Variants in GPC5 observed in about 807,000 individuals in gnomAD.
GPC5 encodes the protein glypican-5.
Under a neutral mutation model 53.9 loss-of-function variants are expected in GPC5, and 47 were observed. That is an observed-to-expected ratio of 0.87 (90% CI 0.69 to 1.11). The LOEUF is 1.11. Ranked by LOEUF, GPC5 falls within the 50% of genes most tolerant of loss-of-function variation. GPC5 has a pLI of 0.00. For synonymous variants in GPC5, 286 were observed against 263.3 expected (o/e 1.09, Z -0.84); for missense variants, 748 against 713.1 (o/e 1.05, Z -0.56).
At chr13:92,267,345 C>T (rs2042809721) in intron 7 of GPC5, among the ~76,000 whole-genome samples, 1 of 152,060 alleles carries the variant, frequency 6.6e-6, no homozygotes, top group Non-Finnish European at 1.5e-5. Context: ...AGAATTTTCT[C>T]ATAATAATTT....
At chr13:92,483,307 C>T (rs1311342510) in intron 7 of GPC5, among the ~76,000 whole-genome samples, 1 of 152,184 alleles carries the variant, frequency 6.6e-6, no homozygotes, top group Non-Finnish European at 1.5e-5. Context: ...CCACCTAAGG[C>T]TACATGGTGG....
rs151105182 is a variant in GPC5 at position 92,819,887 on chromosome 13, C to A, written c.1562-46395C>A. ...AACTTTCAACATGACTGCCTCCTTTCTTGTTAGGAAAAAAAATATTTTTTT... is the reference window on the plus strand; with the variant it reads ...AACTTTCAACATGACTGCCTCCTTTATTGTTAGGAAAAAAAATATTTTTTT... On this transcript the variant is annotated intron_variant, in intron 7 of 7. Coordinates refer to ENST00000377067, the MANE Select transcript of GPC5 (RefSeq NM_004466.6). 1.0e-3 allele frequency among the ~76,000 whole-genome samples: 157 copies of A among 152,204 alleles called. 1 individual carries two copies. Among genetic ancestry groups the A allele is most frequent in the African/African-American group, 3.7e-3 (155 of 41,532 alleles).
intron 7 of GPC5, among the ~76,000 whole-genome samples, chr13:92,349,986 T>G (rs1013110705): frequency 1.3e-5 from 2 of 152,178 alleles, no homozygotes; most frequent in African/African-American, 4.8e-5. Context: ...AAATCCTCCA[T>G]TATATTCTAG....
chr13:91,720,907 G>A (rs1196882117), intron 3 of GPC5, among the ~76,000 whole-genome samples: 1 of 152,054 alleles, frequency 6.6e-6, no homozygotes, highest in Non-Finnish European at 1.5e-5. Flanking sequence ...CAGATAGATA[G>A]ACAGATAGAT....
intron 5 of GPC5, among the ~76,000 whole-genome samples, chr13:91,765,032 C>G (rs2037495255): frequency 6.6e-6 from 1 of 152,186 alleles, no homozygotes; most frequent in African/African-American, 2.4e-5. Flanking sequence ...CCCATATCAT[C>G]TATTCTAGCC....
intron 7 of GPC5, among the ~76,000 whole-genome samples, chr13:92,472,259 C>G (rs1878942567): frequency 6.6e-6 from 1 of 152,074 alleles, no homozygotes; most frequent in African/African-American, 2.4e-5. Context: ...TCACTTCTAT[C>G]CCCTTCTCTT....
At chr13:92,163,983 G>A (rs931411233) in intron 7 of GPC5, among the ~76,000 whole-genome samples, 2 of 152,132 alleles carry the variant, frequency 1.3e-5, no homozygotes, top group African/African-American at 2.4e-5. Context: ...GGTGGGAAAA[G>A]CCCCTCACAA....
intron 7 of GPC5, among the ~76,000 whole-genome samples, chr13:92,708,735 TAG>T (rs986044542): frequency 2.5e-4 from 38 of 151,900 alleles, no homozygotes; most frequent in African/African-American, 8.9e-4. Flanking sequence ...GAGATGTTAT[TAG>T]AGAAAGGTCA....
At chr13:92,222,339 C>T (rs1390723770) in intron 7 of GPC5, among the ~76,000 whole-genome samples, 2 of 152,138 alleles carry the variant, frequency 1.3e-5, no homozygotes, top group Non-Finnish European at 2.9e-5. Flanking sequence ...GATTGTACTA[C>T]TTATTTGATG....
At chr13:91,861,174 CA>C (rs1479831247) in intron 5 of GPC5, among the ~76,000 whole-genome samples, 4 of 152,100 alleles carry the variant, frequency 2.6e-5, no homozygotes, top group African/African-American at 9.7e-5. Context: ...CACAAGAAAA[CA>C]ATGTAAATTT....
intron 2 of GPC5, among the ~76,000 whole-genome samples, chr13:91,628,635 CT>C (rs1285646306): frequency 6.6e-6 from 1 of 152,194 alleles, no homozygotes; most frequent in African/African-American, 2.4e-5. Flanking sequence ...GATATCACCC[CT>C]GGCTCTACCT....
intron 3 of GPC5, among the ~76,000 whole-genome samples, chr13:91,718,487 A>T (rs1265924881): frequency 1.3e-5 from 2 of 151,630 alleles, no homozygotes; most frequent in Admixed American, 1.3e-4. Context: ...CTCAGTATTG[A>T]TATTGTAGTA....
In GPC5 at chr13:91,637,450, CTTTTA is replaced by C. The variant is rs367725258; in HGVS notation, c.326-55729_326-55725del. Among the ~76,000 whole-genome samples the C allele has an allele frequency of 1.7e-4, 26 of 152,192 alleles. No individual in the cohort carries two copies. The East Asian group carries it at 3.9e-3, about 23-fold the overall frequency. Reference sequence around the variant, plus strand: ...AAGACATTCCCAGGCAACAGTGGATCTTTTATTTTATTGTGCTTACTGTCTGTGGA... The same window carrying C: ...AAGACATTCCCAGGCAACAGTGGATCTTTTATTGTGCTTACTGTCTGTGGA... On this transcript the variant is annotated intron_variant, in intron 2 of 7. Coordinates refer to ENST00000377067, the MANE Select transcript of GPC5 (RefSeq NM_004466.6).
At chr13:91,877,540 C>A (rs1266937149) in intron 5 of GPC5, among the ~76,000 whole-genome samples, 3 of 152,116 alleles carry the variant, frequency 2.0e-5, no homozygotes, top group Admixed American at 6.6e-5. Context: ...TTTGTTTTGG[C>A]CAATTTCTCC....
intron 5 of GPC5, among the ~76,000 whole-genome samples, chr13:91,830,996 T>TATATATATCCTATTATATATATAAC (rs1313693782): frequency 7.3e-6 from 1 of 136,100 alleles, no homozygotes; most frequent in Non-Finnish European, 1.5e-5. Context: ...ATATATATAA[T>TATATATATCCTATTATATATATAAC]ATATATATCC....
chr13:91,437,281 C>T (rs962518926), intron 1 of GPC5, among the ~76,000 whole-genome samples: 2 of 152,160 alleles, frequency 1.3e-5, no homozygotes, highest in Non-Finnish European at 2.9e-5. Flanking sequence ...TCTTCCTAGC[C>T]TCGATGGTCT....
intron 7 of GPC5, among the ~76,000 whole-genome samples, chr13:92,593,277 G>A (rs1165435513): frequency 6.6e-6 from 1 of 151,250 alleles, no homozygotes; most frequent in African/African-American, 2.4e-5. Flanking sequence ...GTTCCATGGT[G>A]GAAACGTGAT....
At chr13:91,457,226 A>T (rs1165335098) in intron 2 of GPC5, among the ~76,000 whole-genome samples, 1 of 152,090 alleles carries the variant, frequency 6.6e-6, no homozygotes, top group Non-Finnish European at 1.5e-5. Context: ...TAAATATCCA[A>T]TGTAACTAAT....
At chr13:92,859,770 A>G (rs1422359921) in intron 7 of GPC5, among the ~76,000 whole-genome samples, 1 of 152,154 alleles carries the variant, frequency 6.6e-6, no homozygotes, top group Non-Finnish European at 1.5e-5. Flanking sequence ...TAAAAATCAT[A>G]ACATCAGTAT....
Sources: gnomAD v4.1 joint callset for allele counts (sites outside exome capture counted in the v4.1 genomes callset) on GRCh38, gnomAD v4.1.1 for gene constraint, MANE v1.5 for transcripts, NCBI Gene and HGNC (gene_info 2026-07-23, HGNC 2026-07-21) for gene names.